Variants in CLNK observed in about 807,000 individuals in gnomAD.
CLNK encodes cytokine-dependent hematopoietic cell linker.
In CLNK, 74 loss-of-function variants were observed where a neutral mutation model predicts 68.6. That is an observed-to-expected ratio of 1.08 (90% CI 0.89 to 1.31). The LOEUF is 1.31. CLNK is among the 50% of genes most tolerant of loss of function. CLNK has a pLI of 0.00. For missense variants in CLNK, 553 were observed against 515.3 expected (o/e 1.07, Z -0.71); for synonymous variants, 198 against 172.2 (o/e 1.15, Z -1.17).
chr4:10,571,802 G>A (rs369003388), intron 4 of CLNK, 24 bp from the exon 5 acceptor site: 4 of 1,603,398 alleles, frequency 2.5e-6, no homozygotes, highest in Non-Finnish European at 3.4e-6. Flanking sequence ...CAGACCGAGT[G>A]TTATTTTAAT....
chr4:10,645,415 A>C (rs986349575), intron 2 of CLNK, among the ~76,000 whole-genome samples: 1 of 152,196 alleles, frequency 6.6e-6, no homozygotes, highest in Non-Finnish European at 1.5e-5. Flanking sequence ...GAGATTCTAT[A>C]CTCATCCTGA....
At chr4:10,578,524 C>G (rs1187181076) in intron 4 of CLNK, among the ~76,000 whole-genome samples, 4 of 150,120 alleles carry the variant, frequency 2.7e-5, no homozygotes, top group Non-Finnish European at 3.0e-5. Context: ...TTGAGTTCTA[C>G]TTTGCTGATG....
chr4:10,597,086 T>C (rs1250910210), intron 3 of CLNK, among the ~76,000 whole-genome samples: 2 of 152,252 alleles, frequency 1.3e-5, no homozygotes, highest in Non-Finnish European at 2.9e-5. Flanking sequence ...TCATTCACTC[T>C]GCTTAGGATA....
intron 1 of CLNK, among the ~76,000 whole-genome samples, chr4:10,668,735 G>A (rs2108894249): frequency 6.6e-6 from 1 of 152,270 alleles, no homozygotes; most frequent in Admixed American, 6.5e-5. Context: ...TCTCTTTCTG[G>A]GTTGCGGGTA....
chr4:10,728,475 G>A, the CLNK span, among the ~76,000 whole-genome samples: 1 of 151,854 alleles, frequency 6.6e-6, no homozygotes. Context: ...CATGATGCCT[G>A]AAGCAAAATC....
chr4:10,548,262 G>C (rs958456008), intron 8 of CLNK, among the ~76,000 whole-genome samples: 8 of 152,076 alleles, frequency 5.3e-5, no homozygotes, highest in African/African-American at 1.9e-4. Flanking sequence ...GTGATGCTGA[G>C]AACCACTTCC....
intron 2 of CLNK, among the ~76,000 whole-genome samples, chr4:10,653,705 C>T (rs1487246211): frequency 6.6e-6 from 1 of 152,006 alleles, no homozygotes; most frequent in African/African-American, 2.4e-5. Context: ...AGAAGTTACT[C>T]GTATCAAAAA....
chr4:10,606,788 C>T (rs942978307), intron 2 of CLNK, among the ~76,000 whole-genome samples: 1 of 152,128 alleles, frequency 6.6e-6, no homozygotes, highest in African/African-American at 2.4e-5. Context: ...ATATCTATAT[C>T]TATATATACA....
At chr4:10,675,744 T>C (rs1041232395) in intron 1 of CLNK, among the ~76,000 whole-genome samples, 2 of 152,118 alleles carry the variant, frequency 1.3e-5, no homozygotes, top group African/African-American at 4.8e-5. Context: ...CAAGATACCT[T>C]CTAGATATAG....
Position 10,489,729 on chromosome 4 carries a change from C to A in CLNK, c.*738G>T, listed in dbSNP as rs1372005757. Reference sequence around the variant, plus strand: ...CAGGCTGGATTGGAGTGCAGTGGCGCGATTTCGGCTCACTGCAAGCTCCGC... The same window carrying A: ...CAGGCTGGATTGGAGTGCAGTGGCGAGATTTCGGCTCACTGCAAGCTCCGC... On this transcript the variant is annotated 3_prime_UTR_variant, in exon 19 of 19. Transcript: ENST00000226951. 2 of 46,078 alleles carry A rather than the reference C, an allele frequency of 4.3e-5. No homozygotes were observed. Among genetic ancestry groups the A allele is most frequent in the Non-Finnish European group, 1.1e-4 (2 of 18,138 alleles). The allele number at this position is 46,078 out of a possible 1,614,324, so 2.9% of individuals were successfully genotyped here. A position where few individuals can be genotyped will look rare whatever the true frequency, so the allele number is the denominator to read the frequency against.
At chr4:10,642,602 C>A (rs144278888) in intron 2 of CLNK, among the ~76,000 whole-genome samples, 111 of 152,222 alleles carry the variant, frequency 7.3e-4, no homozygotes, top group African/African-American at 2.5e-3. Context: ...CATCTTGGAC[C>A]TGTATGCATG....
intron 2 of CLNK, among the ~76,000 whole-genome samples, chr4:10,650,478 C>T (rs1421944359): frequency 7.9e-5 from 12 of 151,966 alleles, no homozygotes; most frequent in Non-Finnish European, 1.6e-4. Flanking sequence ...AACCAAAAAA[C>T]ATAGAGAAGA....
At chr4:10,649,049 T>C (rs1320707891) in intron 2 of CLNK, among the ~76,000 whole-genome samples, 1 of 152,192 alleles carries the variant, frequency 6.6e-6, no homozygotes, top group Non-Finnish European at 1.5e-5. Flanking sequence ...TTCATGCTCG[T>C]TGAAGGTGCC....
At chr4:10,649,589 G>A (rs1308479176) in intron 2 of CLNK, among the ~76,000 whole-genome samples, 1 of 152,136 alleles carries the variant, frequency 6.6e-6, no homozygotes, top group Non-Finnish European at 1.5e-5. Flanking sequence ...CCCCTAAAGA[G>A]CTGCTCTCTC....
Position 10,566,077 on chromosome 4 carries a change from C to A in CLNK, c.224G>T (p.Arg75Leu). Reference protein sequence around the residue: ...SDDDYDDPELRMEETWQSIKI... With the variant: ...SDDDYDDPELLMEETWQSIKI... ...AATCGACTGCCATGTCTCTTCCATC[C>A]GAAGCTCAGGGTCATCATAGTCATC... Residue 75 changes from arginine to leucine, a missense_variant, in exon 6 of 19, where the codon CGG becomes CTG. Arg to Leu is a moderately radical substitution (Grantham distance 102). Transcript: ENST00000226951. The A allele has an allele frequency of 6.2e-7, 1 of 1,613,898 alleles. No homozygotes were observed. The highest frequency in any genetic ancestry group is 1.1e-5 in the South Asian group (1 of 91,076).
chr4:10,504,195 A>T lies in CLNK; in HGVS notation c.985-2784T>A, dbSNP rs548577477. On this transcript the variant is annotated intron_variant, in intron 17 of 18. Transcript: ENST00000226951. ...GAGTGCAGTGGCTCAATCTCGGCTC[A>T]CTGCAAGCTCCGCCTCCTGGGTTCA... Among the ~76,000 whole-genome samples the T allele has an allele frequency of 7.2e-3, 907 of 126,516 alleles. 14 individuals carry two copies. The highest frequency in any genetic ancestry group is 0.027 in the African/African-American group (866 of 32,490). 83.0% of individuals were successfully genotyped at this position (126,516 alleles called of 152,430 possible).
At chr4:10,615,570 A>G (rs1722199087) in intron 2 of CLNK, among the ~76,000 whole-genome samples, 1 of 152,174 alleles carries the variant, frequency 6.6e-6, no homozygotes, top group Non-Finnish European at 1.5e-5. Flanking sequence ...AATGAAAAAG[A>G]AGAGCAAAGA....
chr4:10,560,641 A>G (rs1719850525), intron 7 of CLNK, among the ~76,000 whole-genome samples: 1 of 151,658 alleles, frequency 6.6e-6, no homozygotes, highest in South Asian at 2.1e-4. Flanking sequence ...ATGGAGTTTC[A>G]CAATGTTACC....
At position 10,642,759 on chromosome 4, in the gene CLNK, T is replaced by A. The variant is rs373917425; in HGVS notation, c.11+25100A>T. 4.6e-5 allele frequency among the ~76,000 whole-genome samples: 7 copies of A among 152,358 alleles called. 1 individual carries two copies. The highest frequency in any genetic ancestry group is 1.7e-4 in the African/African-American group (7 of 41,584). On this transcript the variant is annotated intron_variant, in intron 2 of 18. Transcript: ENST00000226951. The stretch of plus-strand genomic sequence containing the variant: ...TAGCTGGGTAGCTGGGAAAGTCATC[T>A]AACTTCTTTAATCCTCCATTGTCTC...
Sources: allele counts gnomAD v4.1 joint callset (sites outside exome capture counted in the v4.1 genomes callset), GRCh38; gene constraint gnomAD v4.1.1; transcripts MANE v1.5; gene names NCBI Gene and HGNC (gene_info 2026-07-23, HGNC 2026-07-21).